The following SGSM3 variants were observed in gnomAD, a reference collection of about 807,000 sequenced individuals.
SGSM3 encodes the protein small G protein signaling modulator 3, also known as RUN and SH3 containing 3.
SGSM3 carries 96 observed loss-of-function variants against 100.5 expected under a neutral mutation model. That is an observed-to-expected ratio of 0.96 (90% CI 0.81 to 1.13). SGSM3 has a LOEUF of 1.13. SGSM3 is among the 50% of genes most tolerant of loss of function. SGSM3 has a pLI of 0.00. For missense variants in SGSM3, 1,001 were observed against 1,015.8 expected, an observed-to-expected ratio of 0.99 and a Z score of 0.20; for synonymous variants, 483 against 422.8, an observed-to-expected ratio of 1.14 and a Z score of -1.75.
intron 16 of SGSM3, 36 bp from the exon 17 acceptor site, chr22:40,408,591 C>G: frequency 6.2e-7 from 1 of 1,612,112 alleles, no homozygotes. Flanking sequence ...CAGCATCTTC[C>G]TGTCCCTGCA....
In SGSM3 at chr22:40,410,110, CACCTACCTGTCTTCTGTGCAGCTAGGGCT is replaced by C; in HGVS notation, c.*352_*380del. 8.6e-7 allele frequency: 1 copy of C among 1,159,764 alleles called. No homozygotes were observed. The allele number at this position is 1,159,764 out of a possible 1,614,324, so 71.8% of individuals were successfully genotyped here. On this transcript the variant is annotated 3_prime_UTR_variant, in exon 22 of 22. Transcript: ENST00000248929. The stretch of plus-strand genomic sequence containing the variant: ...TAAACTGTGTCTGTCTTTGAGAAAG[CACCTACCTGTCTTCTGTGCAGCTAGGGCT>C]GCAGAGCTGTATTCAGGTCCAAGGT...
rs780481384 is a variant in SGSM3 at position 40,407,827 on chromosome 22, G to C, written c.1563G>C (p.Glu521Asp). The change falls in exon 14 of 22, where the codon GAG becomes GAC. Residue 521 changes from glutamate to aspartate, a missense_variant. Physicochemically the swap from Glu to Asp is conservative, Grantham distance 45 (BLOSUM62 2). Coordinates refer to ENST00000248929, the MANE Select transcript of SGSM3 (RefSeq NM_015705.6). This position sits in a 1 kb window ranked among gnomAD's most constrained non-coding sequence, Gnocchi z 4.7. ...SQKDEHCWVGELNGLRGWFPA... is the reference protein window; with the variant it reads ...SQKDEHCWVGDLNGLRGWFPA... ...AGGACGAGCACTGCTGGGTGGGGGAGCTCAACGGCCTGCGAGGTGGGGTCC... is the reference window on the plus strand; with the variant it reads ...AGGACGAGCACTGCTGGGTGGGGGACCTCAACGGCCTGCGAGGTGGGGTCC... 5 of 1,613,162 alleles carry C rather than the reference G, an allele frequency of 3.1e-6. No individual in the cohort carries two copies. The highest frequency in any genetic ancestry group is 8.5e-7 in the Non-Finnish European group (1 of 1,179,580).
At chr22:40,377,155 A>G (rs1434828009) in intron 1 of SGSM3, among the ~76,000 whole-genome samples, 1 of 152,212 alleles carries the variant, frequency 6.6e-6, no homozygotes, top group Non-Finnish European at 1.5e-5. Context: ...TCTTCTGGGG[A>G]TAACAGCTCA....
At chr22:40,378,222 G>C (rs2046975362) in intron 1 of SGSM3, 1 of 151,946 alleles carries the variant, frequency 6.6e-6, no homozygotes, top group Non-Finnish European at 1.5e-5. Flanking sequence ...TTGAGGCCAA[G>C]AGTTTGAGAC....
chr22:40,405,672 C>G lies in SGSM3; in HGVS notation c.642C>G (p.Phe214Leu). The stretch of plus-strand genomic sequence containing the variant: ...AGGTGGCCGCCTGCCTCCTGCTGTT[C>G]CTGGAGGAGGAGGACGCCTTCTGGA... ...TGMVAACLLLFLEEEDAFWMM... is the reference protein window; with the variant it reads ...TGMVAACLLLLLEEEDAFWMM... Residue 214 changes from phenylalanine (F) to leucine (L), a missense_variant, in exon 8 of 22, where the codon TTC becomes TTG. Coordinates refer to ENST00000248929, the MANE Select transcript of SGSM3 (RefSeq NM_015705.6). The G allele has an allele frequency of 6.2e-7, 1 of 1,613,424 alleles. No individual in the cohort carries two copies. The highest frequency in any genetic ancestry group is 8.5e-7 in the Non-Finnish European group (1 of 1,179,714).
At position 40,400,931 on chromosome 22, in the gene SGSM3, A is replaced by G. The variant is rs972877802; in HGVS notation, c.7+118A>G. 4.6e-5 allele frequency: 46 copies of G among 997,102 alleles called. 1 individual carries two copies. Among genetic ancestry groups the G allele is most frequent in the Non-Finnish European group, 6.1e-5 (43 of 701,150 alleles). 61.8% of individuals were successfully genotyped at this position (997,102 alleles called of 1,614,324 possible). On this transcript the variant is annotated intron_variant, in intron 2 of 21. Transcript: ENST00000248929. ...TCCAGATAAGAGAGGTGGAGATGGT[A>G]GGGAAGGCTTCTGGCTGGCTGAGAA... is the stretch of plus-strand genomic sequence containing the variant.
intron 4 of SGSM3, among the ~76,000 whole-genome samples, chr22:40,402,917 C>G (rs2050945829): frequency 6.6e-6 from 1 of 152,228 alleles, no homozygotes; most frequent in Admixed American, 6.5e-5. Flanking sequence ...CAGGCCAGAA[C>G]TGTGGCTAGG....
Position 40,401,533 on chromosome 22 carries a change from A to T in SGSM3, c.8-60A>T, listed in dbSNP as rs1416095459. ...AGTACTGAGATTACAGGCGTGAGCC[A>T]CTGCGCCTGGCCTGCCTCTGCATTT... On this transcript the variant is annotated intron_variant, in intron 2 of 21. Coordinates refer to ENST00000248929, the MANE Select transcript of SGSM3 (RefSeq NM_015705.6). 4.3e-6 allele frequency: 6 copies of T among 1,381,802 alleles called. No individual in the cohort carries two copies. The East Asian group carries it at 1.2e-4, about 27-fold the overall frequency. 85.6% of individuals were successfully genotyped at this position (1,381,802 alleles called of 1,614,324 possible).
chr22:40,406,581 T>TC lies in SGSM3; in HGVS notation c.1105dup (p.Gln369ProfsTer49). ...CCCTCACCGATGTGGCCGTGGAGAC[T>TC]CAGCGCCGCAAGCACCTGGCCTATC... On this transcript the variant is annotated frameshift_variant, in exon 10 of 22. Coordinates refer to ENST00000248929, the MANE Select transcript of SGSM3 (RefSeq NM_015705.6). LOFTEE classifies it high-confidence loss of function. 1 of 1,612,856 alleles carries TC rather than the reference T, an allele frequency of 6.2e-7. No homozygotes were observed. The highest frequency in any genetic ancestry group is 8.5e-7 in the Non-Finnish European group (1 of 1,179,754).
intron 4 of SGSM3, among the ~76,000 whole-genome samples, chr22:40,402,970 G>T (rs1409382106): frequency 6.6e-6 from 1 of 152,188 alleles, no homozygotes; most frequent in African/African-American, 2.4e-5. Flanking sequence ...GGTCACTCAC[G>T]TTTCCAATTC....
At chr22:40,380,006 C>T (rs968920460) in intron 1 of SGSM3, among the ~76,000 whole-genome samples, 3 of 152,228 alleles carry the variant, frequency 2.0e-5, no homozygotes, top group Middle Eastern at 3.4e-3. Context: ...CCATCGTGCT[C>T]GGCCTGGTTT....
At chr22:40,404,901 CTAAA>C (rs2051250050) in intron 6 of SGSM3, among the ~76,000 whole-genome samples, 2 of 152,288 alleles carry the variant, frequency 1.3e-5, no homozygotes, top group East Asian at 3.9e-4. Flanking sequence ...GATGGGGACT[CTAAA>C]TATAGACTCC....
chr22:40,407,574 TG>T lies in SGSM3; in HGVS notation c.1524+11del, dbSNP rs778494966. 2 of 1,601,144 alleles carry T rather than the reference TG, an allele frequency of 1.2e-6. No homozygotes were observed. Among genetic ancestry groups the T allele is most frequent in the East Asian group, 2.2e-5 (1 of 44,818 alleles). On this transcript the variant is annotated splice_region_variant and intron_variant, in intron 13 of 21. Transcript: ENST00000248929. This position sits in a 1 kb window ranked among gnomAD's most constrained non-coding sequence, Gnocchi z 4.7. ...GCAAGAACGACATCATCACAGTGCGTGGGGGCGCTGGACTACCAGGTCCTCA... is the reference window on the plus strand; with the variant it reads ...GCAAGAACGACATCATCACAGTGCGTGGGGCGCTGGACTACCAGGTCCTCA...
Position 40,409,762 on chromosome 22 carries a change from C to G in SGSM3, c.*3C>G. Reference sequence around the variant, plus strand: ...TCAGCTGGGATGTGGACGGGTGACCCCCTCCTCCCCAGCCCAACCTCGGGC... The same window carrying G: ...TCAGCTGGGATGTGGACGGGTGACCGCCTCCTCCCCAGCCCAACCTCGGGC... On this transcript the variant is annotated 3_prime_UTR_variant, in exon 22 of 22. Coordinates refer to ENST00000248929, the MANE Select transcript of SGSM3 (RefSeq NM_015705.6). The G allele has an allele frequency of 6.2e-7, 1 of 1,605,594 alleles. No individual in the cohort carries two copies. Among genetic ancestry groups the G allele is most frequent in the South Asian group, 1.1e-5 (1 of 90,878 alleles).
chr22:40,389,000 T>C (rs1236933745), intron 1 of SGSM3, among the ~76,000 whole-genome samples: 1 of 151,798 alleles, frequency 6.6e-6, no homozygotes, highest in Non-Finnish European at 1.5e-5. Context: ...TGGTCTGAGG[T>C]TGAGAGAGAA....
rs2045278502 is a variant in SGSM3 at position 40,370,828 on chromosome 22, C to T, written c.-112+140C>T. 2.0e-5 allele frequency: 3 copies of T among 152,280 alleles called. No individual in the cohort carries two copies. The South Asian group carries it at 6.2e-4, about 32-fold the overall frequency. The allele number at this position is 152,280 out of a possible 1,614,324, so 9.4% of individuals were successfully genotyped here. ...GGCGCCCACGAGAGAAGCACCGCCT[C>T]GGGCCGGAGAGCCGCCGGGCCGACC... On this transcript the variant is annotated intron_variant, in intron 1 of 21. Transcript: ENST00000248929.
chr22:40,407,434 A>G lies in SGSM3; in HGVS notation c.1390A>G (p.Met464Val). 1 of 1,612,852 alleles carries G rather than the reference A, an allele frequency of 6.2e-7. No individual in the cohort carries two copies. The highest frequency in any genetic ancestry group is 1.1e-5 in the South Asian group (1 of 91,074). ...CSVELTPDYS[M>V]ESHQRDHENY... ...GCAGGAGCTGACTCCAGACTATAGCATGGAGAGCCACCAGCGGGACCACGA... is the reference window on the plus strand; with the variant it reads ...GCAGGAGCTGACTCCAGACTATAGCGTGGAGAGCCACCAGCGGGACCACGA... Residue 464 changes from methionine (M) to valine (V), a missense_variant, in exon 13 of 22, where the codon ATG (methionine) becomes GTG (valine). Coordinates refer to ENST00000248929, the MANE Select transcript of SGSM3 (RefSeq NM_015705.6). The surrounding 1 kb of genome is among the most constrained non-coding windows in gnomAD (Gnocchi z 4.7).
chr22:40,373,300 T>C (rs1022463172), intron 1 of SGSM3: 10 of 152,256 alleles, frequency 6.6e-5, no homozygotes, highest in African/African-American at 1.9e-4. Context: ...CCTGTGATCA[T>C]ATTTCCCTTC....
rs1221171134 is a variant in SGSM3, at chr22:40,406,049, C to A, written c.815-29C>A. 1.9e-6 allele frequency: 3 copies of A among 1,606,036 alleles called. No individual in the cohort carries two copies. The African/African-American group carries it at 4.0e-5, about 21-fold the overall frequency. ...GGAGGGAGGTTTCCACCACCTCCTC[C>A]CCAGCGGCTTTGGCTCCTGTGTTTA... On this transcript the variant is annotated intron_variant, in intron 8 of 21. Coordinates refer to ENST00000248929, the MANE Select transcript of SGSM3 (RefSeq NM_015705.6).
Sources: gnomAD v4.1 joint callset for allele counts (sites outside exome capture counted in the v4.1 genomes callset) on GRCh38, gnomAD v4.1.1 for gene constraint, Gnocchi (gnomAD v3.1) non-coding constraint, MANE v1.5 for transcripts, NCBI Gene and HGNC (gene_info 2026-07-23, HGNC 2026-07-21) for gene names.